RALGPS2: variants seen among roughly 807,000 people sequenced by gnomAD.
RALGPS2 encodes ras-specific guanine nucleotide-releasing factor RalGPS2.
In RALGPS2, 43 loss-of-function variants were observed where a neutral mutation model predicts 86.8. The observed-to-expected ratio is 0.50, with a 90% CI of 0.39 to 0.64. The LOEUF (loss-of-function observed/expected upper bound fraction) is 0.64. RALGPS2 is among the 30% of genes least tolerant of loss of function. RALGPS2 has a pLI of 0.00. For synonymous variants in RALGPS2, 243 were observed against 231.3 expected, an observed-to-expected ratio of 1.05 and a Z score of -0.46; for missense variants, 536 against 694.6, an observed-to-expected ratio of 0.77 and a Z score of 2.57.
chr1:178,900,733 A>C (rs1015040240), intron 17 of RALGPS2, among the ~76,000 whole-genome samples: 5 of 152,134 alleles, frequency 3.3e-5, no homozygotes, highest in Admixed American at 1.3e-4. Flanking sequence ...AACCAACAGC[A>C]GCAATGACAC....
intron 4 of RALGPS2, among the ~76,000 whole-genome samples, chr1:178,789,860 A>G (rs930969134): frequency 6.6e-6 from 1 of 152,246 alleles, no homozygotes; most frequent in Non-Finnish European, 1.5e-5. Flanking sequence ...GAGGTTGAAC[A>G]TAGTATTTAG....
At chr1:178,852,801 A>C in intron 8 of RALGPS2, 3 of 1,613,934 alleles carry the variant, frequency 1.9e-6, no homozygotes, top group Non-Finnish European at 2.5e-6. Flanking sequence ...ATTCACTTTC[A>C]GGTTCCAGAC....
chr1:178,797,147 CAT>C (rs1248563815), intron 4 of RALGPS2, among the ~76,000 whole-genome samples: 2 of 152,114 alleles, frequency 1.3e-5, no homozygotes, highest in Non-Finnish European at 2.9e-5. Context: ...TTTTGATGTT[CAT>C]ATGAGATATT....
intron 8 of RALGPS2, among the ~76,000 whole-genome samples, chr1:178,835,134 G>A (rs555153034): frequency 1.3e-5 from 2 of 152,168 alleles, no homozygotes; most frequent in Non-Finnish European, 2.9e-5. Flanking sequence ...AATATAATTT[G>A]AGGAGAGAAG....
intron 8 of RALGPS2, chr1:178,850,999 C>A: frequency 2.4e-6 from 2 of 836,948 alleles, no homozygotes; most frequent in Non-Finnish European, 3.4e-6. Context: ...TTTATAGTTA[C>A]GGTAAAATTC....
intron 7 of RALGPS2, among the ~76,000 whole-genome samples, chr1:178,823,903 ATGTAAAC>A (rs1292506521): frequency 6.6e-6 from 1 of 152,186 alleles, no homozygotes; most frequent in Non-Finnish European, 1.5e-5. Flanking sequence ...ATAATCATCA[ATGTAAAC>A]TATTTGAAGC....
intron 5 of RALGPS2, among the ~76,000 whole-genome samples, chr1:178,810,945 A>G (rs1251146189): frequency 6.6e-6 from 1 of 152,126 alleles, no homozygotes; most frequent in Middle Eastern, 3.2e-3. Flanking sequence ...CATATTATAT[A>G]TCTAATCTGC....
chr1:178,847,354 G>A (rs1310746752), intron 8 of RALGPS2, among the ~76,000 whole-genome samples: 4 of 152,154 alleles, frequency 2.6e-5, no homozygotes, highest in African/African-American at 4.8e-5. Flanking sequence ...GCTGAGGCAG[G>A]AGAATCACTT....
chr1:178,734,166 G>A (rs141011234), intron 1 of RALGPS2, among the ~76,000 whole-genome samples: 5 of 152,260 alleles, frequency 3.3e-5, no homozygotes, highest in African/African-American at 7.2e-5. Context: ...GTGAGATACC[G>A]CTTCACACCA....
chr1:178,738,901 C>T (rs1241214144), intron 1 of RALGPS2, among the ~76,000 whole-genome samples: 1 of 152,068 alleles, frequency 6.6e-6, no homozygotes, highest in African/African-American at 2.4e-5. Flanking sequence ...GTAAATTATT[C>T]GTTATACCTC....
rs984768061 is a variant in RALGPS2, at chr1:178,885,088, G to T, written c.917G>T (p.Gly306Val). Residue 306 changes from glycine (G) to valine (V), a missense_variant, in exon 12 of 20, where the codon GGA becomes GTA. Gly to Val is a moderately radical substitution (Grantham distance 109). Around this residue, in one of 3 missense-constraint regions of RALGPS2, gnomAD observed 309 missense variants for 363.0 expected, o/e 0.85. Coordinates refer to ENST00000367635, the MANE Select transcript of RALGPS2 (RefSeq NM_152663.5). Reference sequence around the variant, plus strand: ...ATTTAACCCTTAGGTCCTGAAGTAGGAGCGTCTCCACAGAGTGGACGAAAA... The same window carrying T: ...ATTTAACCCTTAGGTCCTGAAGTAGTAGCGTCTCCACAGAGTGGACGAAAA... ...SREDLVGPEV[G>V]ASPQSGRKSV... 1.9e-6 allele frequency: 3 copies of T among 1,588,690 alleles called. No homozygotes were observed. The highest frequency in any genetic ancestry group is 1.4e-5 in the African/African-American group (1 of 73,270).
intron 4 of RALGPS2, among the ~76,000 whole-genome samples, chr1:178,793,035 A>G (rs1369449544): frequency 6.6e-6 from 1 of 152,218 alleles, no homozygotes; most frequent in East Asian, 1.9e-4. Context: ...AACACACAGC[A>G]GTCTGAATGG....
rs1485228973 is a variant in RALGPS2, at chr1:178,921,208, G to A, written c.*4849G>A. On this transcript the variant is annotated 3_prime_UTR_variant, in exon 20 of 20. Coordinates refer to ENST00000367635, the MANE Select transcript of RALGPS2 (RefSeq NM_152663.5). ...ATTTAAATTTTGACCCTGGCCATTT[G>A]TACTACAGAAGTGATTATGGGATTA... 1 of 151,972 alleles carries A rather than the reference G, an allele frequency of 6.6e-6. No homozygotes were observed. The highest frequency in any genetic ancestry group is 1.5e-5 in the Non-Finnish European group (1 of 67,912). The allele number at this position is 151,972 out of a possible 1,614,324, so 9.4% of individuals were successfully genotyped here. A position where few individuals can be genotyped will look rare whatever the true frequency, so the allele number is the denominator to read the frequency against.
intron 8 of RALGPS2, among the ~76,000 whole-genome samples, chr1:178,843,917 A>G (rs1656738293): frequency 6.6e-6 from 1 of 152,152 alleles, no homozygotes; most frequent in South Asian, 2.1e-4. Flanking sequence ...CAGTATGAAA[A>G]TCATCCTTTT....
intron 8 of RALGPS2, among the ~76,000 whole-genome samples, chr1:178,868,672 C>T (rs1658564474): frequency 6.6e-6 from 1 of 151,902 alleles, no homozygotes; most frequent in African/African-American, 2.4e-5. Context: ...TAAATTAAAA[C>T]AAAAACAGCT....
At chr1:178,899,422 C>T (rs750252796) in intron 17 of RALGPS2, among the ~76,000 whole-genome samples, 2 of 151,490 alleles carry the variant, frequency 1.3e-5, no homozygotes, top group African/African-American at 2.4e-5. Flanking sequence ...GGTATAGAGA[C>T]AGGTCTATAT....
intron 5 of RALGPS2, among the ~76,000 whole-genome samples, chr1:178,811,048 A>T (rs938142125): frequency 9.2e-5 from 14 of 152,056 alleles, no homozygotes; most frequent in Non-Finnish European, 8.8e-5. Context: ...TAATCTTAGA[A>T]TGTTAACTTA....
chr1:178,788,841 C>CTTTTCTTTTCTTTTCTTTTCT (rs1553263494), intron 4 of RALGPS2, among the ~76,000 whole-genome samples: 82 of 132,496 alleles, frequency 6.2e-4, no homozygotes, highest in African/African-American at 1.8e-3. Context: ...TTCTTTCTTT[C>CTTTTCTTTTCTTTTCTTTTCT]TTTCTTTTCT....
At chr1:178,743,271 T>C (rs187894818) in intron 1 of RALGPS2, among the ~76,000 whole-genome samples, 15 of 152,278 alleles carry the variant, frequency 9.9e-5, no homozygotes, top group Admixed American at 6.5e-4. Flanking sequence ...AGAAAGAATT[T>C]ATAGCCCTGA....
Sources: allele counts gnomAD v4.1 joint callset (sites outside exome capture counted in the v4.1 genomes callset), GRCh38; gene constraint gnomAD v4.1.1; regional missense constraint gnomAD v4.1.1; transcripts MANE v1.5; gene names NCBI Gene and HGNC (gene_info 2026-07-23, HGNC 2026-07-21).